WASHC4: variants seen among roughly 807,000 people sequenced by gnomAD.
WASHC4 encodes WASH complex subunit 7.
In WASHC4, 86 loss-of-function variants were observed where a neutral mutation model predicts 166.6. That is an observed-to-expected ratio of 0.52 (90% CI 0.43 to 0.62). WASHC4 has a LOEUF of 0.62. WASHC4 is among the 20% of genes least tolerant of loss of function. WASHC4 has a pLI of 0.00. For synonymous variants in WASHC4, 446 were observed against 451.6 expected (o/e 0.99, Z 0.16); for missense variants, 1,262 against 1,382.4 (o/e 0.91, Z 1.38).
chr12:105,115,204 T>C lies in WASHC4; in HGVS notation c.342T>C (p.Asn114=), dbSNP rs748370299. The C allele has an allele frequency of 1.3e-6, 2 of 1,556,834 alleles. No individual in the cohort carries two copies. The highest frequency in any genetic ancestry group is 3.3e-5 in the Admixed American group (2 of 59,804). The change falls in exon 5 of 33, where the codon AAT becomes AAC. Residue 114 remains asparagine, a synonymous_variant. Transcript: ENST00000332180. The part of the protein sequence containing the change: ...LKYEAETKFY[N]GLLFYGEGAT... ...AACAGGCTGAAACTAAATTTTACAA[T>C]GGTCTCTTGTTTTATGGAGAAGGAG...
intron 28 of WASHC4, among the ~76,000 whole-genome samples, chr12:105,159,327 A>G (rs891172480): frequency 6.6e-6 from 1 of 152,220 alleles, no homozygotes; most frequent in Non-Finnish European, 1.5e-5. Flanking sequence ...GATTGAAGTC[A>G]AGGAAATGTA....
At chr12:105,113,061 C>T (rs1431005715) in intron 2 of WASHC4, among the ~76,000 whole-genome samples, 1 of 151,356 alleles carries the variant, frequency 6.6e-6, no homozygotes, top group Non-Finnish European at 1.5e-5. Flanking sequence ...TAAAAATCAT[C>T]CCCCCCCAAA....
At chr12:105,108,117 C>G (rs917675774) in intron 1 of WASHC4, among the ~76,000 whole-genome samples, 2 of 152,182 alleles carry the variant, frequency 1.3e-5, no homozygotes, top group Non-Finnish European at 2.9e-5. Flanking sequence ...TGCGGTGCCC[C>G]GCGGGGAGCG....
chr12:105,148,833 A>G, intron 24 of WASHC4: 1 of 985,234 alleles, frequency 1.0e-6, no homozygotes, highest in South Asian at 4.7e-5. Context: ...TTCTGCCTGT[A>G]GGTTGGAATT....
In WASHC4 at chr12:105,141,677, T is replaced by C. The variant is rs147167455; in HGVS notation, c.1787+431T>C. Among the ~76,000 whole-genome samples, 988 of 152,340 alleles carry C rather than the reference T, an allele frequency of 6.5e-3. 17 individuals carry two copies. The highest frequency in any genetic ancestry group is 0.022 in the African/African-American group (927 of 41,586). ...ATTGTTGAATTAGTTTTTGGAAGGC[T>C]TATTTTTGTAGCTCCTTCTGGCTTT... On this transcript the variant is annotated intron_variant, in intron 18 of 32. Coordinates refer to ENST00000332180, the MANE Select transcript of WASHC4 (RefSeq NM_015275.3).
intron 14 of WASHC4, among the ~76,000 whole-genome samples, chr12:105,137,672 GATAA>G: frequency 6.6e-6 from 1 of 152,148 alleles, no homozygotes; most frequent in Non-Finnish European, 1.5e-5. Context: ...TATGTGACAG[GATAA>G]ATAAACGGTT....
In WASHC4 at chr12:105,162,764, G is replaced by C. The variant is rs889760812; in HGVS notation, c.3076G>C (p.Glu1026Gln). Residue 1026 changes from glutamate (E) to glutamine (Q), a missense_variant, in exon 30 of 33, where the codon GAG (glutamate) becomes CAG (glutamine). By Grantham distance (29) the Glu-to-Gln change is conservative. Transcript: ENST00000332180. ...ATCTTTTTAGACCCTCAACTTTGTA[G>C]AGCATTCCATTAGTTGCAAGGAAAA... is the stretch of plus-strand genomic sequence containing the variant. ...IVPPLTLNFV[E>Q]HSISCKEKLN... 12 of 1,582,438 alleles carry C rather than the reference G, an allele frequency of 7.6e-6. No homozygotes were observed. Among genetic ancestry groups the C allele is most frequent in the African/African-American group, 1.3e-5 (1 of 74,232 alleles).
At position 105,162,843 on chromosome 12, in the gene WASHC4, TG is replaced by T; in HGVS notation, c.3157+1del. 1 of 1,539,738 alleles carries T rather than the reference TG, an allele frequency of 6.5e-7. No individual in the cohort carries two copies. Among genetic ancestry groups the T allele is most frequent in the Non-Finnish European group, 9.0e-7 (1 of 1,117,284 alleles). On this transcript the variant is annotated frameshift_variant and splice_region_variant, in exon 30 of 33. Coordinates refer to ENST00000332180, the MANE Select transcript of WASHC4 (RefSeq NM_015275.3). LOFTEE classifies it high-confidence loss of function. ...GCCTTTACTGATGATGGCTTTGCCA[TG>T]GGTAAGCTTAATGGAATTGTTTTTC... Reference protein sequence around the residue: ...GAAFTDDGFAMGVAYILKLLD... With the variant: ...GAAFTDDGFAXGVAYILKLLD...
At chr12:105,123,424 AAC>A (rs1880972966) in intron 10 of WASHC4, among the ~76,000 whole-genome samples, 1 of 152,258 alleles carries the variant, frequency 6.6e-6, no homozygotes, top group Non-Finnish European at 1.5e-5. Context: ...AAATGCTGTG[AAC>A]ACACAGATGA....
At chr12:105,145,772 A>G (rs74241102) in intron 22 of WASHC4, among the ~76,000 whole-genome samples, 1 of 152,120 alleles carries the variant, frequency 6.6e-6, no homozygotes, top group Non-Finnish European at 1.5e-5. Context: ...ATTAGAAAAA[A>G]CTATGGAACA....
At chr12:105,124,585 A>C (rs1478923088) in intron 10 of WASHC4, among the ~76,000 whole-genome samples, 3 of 151,792 alleles carry the variant, frequency 2.0e-5, no homozygotes, top group Non-Finnish European at 4.4e-5. Context: ...GGTTCAAATG[A>C]TTCTCCTGCC....
chr12:105,116,222 GT>G (rs1349463312), intron 6 of WASHC4, among the ~76,000 whole-genome samples: 1 of 152,030 alleles, frequency 6.6e-6, no homozygotes, highest in Non-Finnish European at 1.5e-5. Flanking sequence ...TTCCTCCTCT[GT>G]GATAAAAATA....
intron 1 of WASHC4, among the ~76,000 whole-genome samples, 196 bp downstream of exon 1, chr12:105,108,057 G>T (rs1283429074): frequency 6.6e-6 from 1 of 152,168 alleles, no homozygotes; most frequent in Non-Finnish European, 1.5e-5. Flanking sequence ...GGCGGGTCAG[G>T]CTGCCCGTTC....
chr12:105,108,164 C>A (rs1174352335), intron 1 of WASHC4, among the ~76,000 whole-genome samples: 1 of 152,156 alleles, frequency 6.6e-6, no homozygotes, highest in African/African-American at 2.4e-5. Context: ...TTGGGCGGGG[C>A]GCGCCCGGGA....
At chr12:105,121,240 TTTGG>T (rs1376842637) in intron 9 of WASHC4, 36 bp downstream of exon 9, 16 of 1,274,542 alleles carry the variant, frequency 1.3e-5, no homozygotes, top group Non-Finnish European at 1.6e-5. Flanking sequence ...TGTTTCTTAC[TTTGG>T]TTAATGTATT....
intron 13 of WASHC4, among the ~76,000 whole-genome samples, chr12:105,128,929 C>T (rs959643472): frequency 6.0e-5 from 9 of 150,112 alleles, no homozygotes; most frequent in Non-Finnish European, 1.3e-4. Flanking sequence ...AGGTGCCTAC[C>T]ACCATGCCCA....
chr12:105,135,294 A>G (rs1882209829), intron 14 of WASHC4, among the ~76,000 whole-genome samples: 1 of 151,790 alleles, frequency 6.6e-6, no homozygotes, highest in Non-Finnish European at 1.5e-5. Context: ...AATACCTGCT[A>G]GTATTTCATT....
At position 105,141,094 on chromosome 12, in the gene WASHC4, C is replaced by G. The variant is rs548532633; in HGVS notation, c.1707+49C>G. 22 of 1,611,568 alleles carry G rather than the reference C, an allele frequency of 1.4e-5. No individual in the cohort carries two copies. The South Asian group carries it at 1.9e-4, about 14-fold the overall frequency. On this transcript the variant is annotated intron_variant, in intron 17 of 32. Coordinates refer to ENST00000332180, the MANE Select transcript of WASHC4 (RefSeq NM_015275.3). Reference sequence around the variant, plus strand: ...GGAACAGAAATGAGATCTGAGATTTCACAGTTCCCTTGTTACTGACCCTAG... The same window carrying G: ...GGAACAGAAATGAGATCTGAGATTTGACAGTTCCCTTGTTACTGACCCTAG...
intron 10 of WASHC4, among the ~76,000 whole-genome samples, chr12:105,125,719 T>C (rs1881219152): frequency 6.6e-6 from 1 of 152,156 alleles, no homozygotes; most frequent in Non-Finnish European, 1.5e-5. Context: ...CTTTATCTTT[T>C]ATACATCTCT....
Sources: gnomAD v4.1 joint callset for allele counts (sites outside exome capture counted in the v4.1 genomes callset) on GRCh38, gnomAD v4.1.1 for gene constraint, MANE v1.5 for transcripts, NCBI Gene and HGNC (gene_info 2026-07-23, HGNC 2026-07-21) for gene names.